COL6A6: variants seen among roughly 807,000 people sequenced by gnomAD.
COL6A6 encodes the protein collagen type VI alpha 6 chain.
Under a neutral mutation model 208.6 loss-of-function variants are expected in COL6A6, and 183 were observed. That is an observed-to-expected ratio of 0.88 (90% CI 0.78 to 0.99). The LOEUF is 0.99. COL6A6 is among the 50% of genes least tolerant of loss of function. The pLI, the probability that COL6A6 is intolerant of heterozygous loss-of-function variation, is 0.00. For missense variants in COL6A6, 2,816 were observed against 2,815.2 expected, an observed-to-expected ratio of 1.00 and a Z score of -0.01; for synonymous variants, 973 against 1,011.8, an observed-to-expected ratio of 0.96 and a Z score of 0.73.
chr3:130,592,729 T>A lies in COL6A6; in HGVS notation c.4371+7T>A, dbSNP rs778389821. On this transcript the variant is annotated splice_region_variant and intron_variant, in intron 15 of 36. Transcript: ENST00000358511. ...AGGACTAAATGGACAGGAGGTATGT[T>A]ACCAGGCACATCCATTTACCTACCC... 2 of 1,609,510 alleles carry A rather than the reference T, an allele frequency of 1.2e-6. No homozygotes were observed. Among genetic ancestry groups the A allele is most frequent in the South Asian group, 2.2e-5 (2 of 90,422 alleles).
At chr3:130,647,771 T>C (rs1346835868) in intron 32 of COL6A6, among the ~76,000 whole-genome samples, 2 of 152,254 alleles carry the variant, frequency 1.3e-5, no homozygotes, top group Non-Finnish European at 2.9e-5. Flanking sequence ...TTGCTGTGTT[T>C]ATTATCTCTG....
Position 130,675,335 on chromosome 3 carries a change from A to G in COL6A6, c.6730A>G (p.Ser2244Gly). The G allele has an allele frequency of 6.2e-7, 1 of 1,601,702 alleles. No individual in the cohort carries two copies. The highest frequency in any genetic ancestry group is 8.5e-7 in the Non-Finnish European group (1 of 1,173,422). The change falls in exon 37 of 37, where the codon AGC becomes GGC. Residue 2244 changes from serine (S) to glycine (G), a missense_variant. Ser to Gly is a moderately conservative substitution (Grantham distance 56, BLOSUM62 0). Coordinates refer to ENST00000358511, the MANE Select transcript of COL6A6 (RefSeq NM_001102608.3). ...TGATGCTATTCAAAATTTTATGAGA[A>G]GCACCTCCCATACCTTTAAGAATGG... ...RDDAIQNFMR[S>G]TSHTFKNGRM...
intron 1 of COL6A6, among the ~76,000 whole-genome samples, chr3:130,553,066 G>A (rs1399284914): frequency 1.3e-5 from 2 of 152,112 alleles, no homozygotes; most frequent in African/African-American, 2.4e-5. Context: ...TTCACTAGCT[G>A]CCTTTAACAT....
At chr3:130,627,888 A>G (rs2064939214) in intron 26 of COL6A6, among the ~76,000 whole-genome samples, 2 of 152,354 alleles carry the variant, frequency 1.3e-5, no homozygotes, top group South Asian at 2.1e-4. Context: ...ATTTCTGTAT[A>G]CTAGCAATCA....
intron 23 of COL6A6, among the ~76,000 whole-genome samples, chr3:130,617,616 A>G (rs894692425): frequency 6.6e-6 from 1 of 152,188 alleles, no homozygotes; most frequent in African/African-American, 2.4e-5. Context: ...TTGTTCTTGC[A>G]TTAGCTCACC....
chr3:130,665,515 C>A (rs1332591848), intron 36 of COL6A6, among the ~76,000 whole-genome samples: 3 of 152,166 alleles, frequency 2.0e-5, no homozygotes, highest in African/African-American at 7.2e-5. Context: ...TAATTAAAAA[C>A]CAACAATGTC....
At chr3:130,656,048 T>G (rs1227698557) in intron 33 of COL6A6, among the ~76,000 whole-genome samples, 1 of 152,204 alleles carries the variant, frequency 6.6e-6, no homozygotes, top group African/African-American at 2.4e-5. Flanking sequence ...CCTGGAAACT[T>G]GGAGATGCCA....
At chr3:130,539,208 T>C (rs2062296647) in intron 1 of COL6A6, among the ~76,000 whole-genome samples, 5 of 152,218 alleles carry the variant, frequency 3.3e-5, no homozygotes, top group African/African-American at 7.2e-5. Flanking sequence ...CTAGAAAATA[T>C]AGCCCCCTGC....
At chr3:130,584,691 T>A (rs2063497203) in intron 10 of COL6A6, among the ~76,000 whole-genome samples, 1 of 152,118 alleles carries the variant, frequency 6.6e-6, no homozygotes, top group Non-Finnish European at 1.5e-5. Flanking sequence ...CTCGGCTCAC[T>A]GCAAGCTCCG....
Position 130,649,546 on chromosome 3 carries a change from T to C in COL6A6, c.5717T>C (p.Val1906Ala). 6.3e-7 allele frequency: 1 copy of C among 1,592,222 alleles called. No individual in the cohort carries two copies. The change falls in exon 33 of 37, where the codon GTC becomes GCC. Residue 1906 changes from valine (V) to alanine (A), a missense_variant. Val to Ala is a moderately conservative substitution (Grantham distance 64). Transcript: ENST00000358511. ...ATCACTTTCAGCAACGTGCCCTCGG[T>C]CAGGCGCGCATTTGCGGTATGAGGA... ...VVITFSNVPS[V>A]RRAFAIDDTG...
intron 1 of COL6A6, among the ~76,000 whole-genome samples, chr3:130,552,874 G>A (rs1336155529): frequency 6.6e-6 from 1 of 152,110 alleles, no homozygotes; most frequent in African/African-American, 2.4e-5. Context: ...GCACTTGCTT[G>A]TCTGAAAGGG....
intron 7 of COL6A6, among the ~76,000 whole-genome samples, chr3:130,571,842 A>AT (rs67080729): frequency 0.88 from 97,466 of 110,828 alleles, 44,234 homozygotes; most frequent in Non-Finnish European, 0.96. Flanking sequence ...GGCATGGCTA[A>AT]TTTTTTTTTT....
At chr3:130,583,772 G>GT (rs150882523) in intron 10 of COL6A6, among the ~76,000 whole-genome samples, 3 of 152,130 alleles carry the variant, frequency 2.0e-5, no homozygotes, top group Admixed American at 6.5e-5. Flanking sequence ...TTTTGGTTTT[G>GT]TTTTTTTCTT....
rs1435947304 is a variant in COL6A6 at position 130,635,606 on chromosome 3, G to A, written c.5029-93G>A. The A allele has an allele frequency of 6.0e-6, 5 of 830,248 alleles. No homozygotes were observed. In the Admixed American group the frequency reaches 1.0e-4, roughly 17 times the overall value. 51.4% of individuals were successfully genotyped at this position (830,248 alleles called of 1,614,324 possible). A position where few individuals can be genotyped will look rare whatever the true frequency, so the allele number is the denominator to read the frequency against. On this transcript the variant is annotated intron_variant, in intron 27 of 36. Transcript: ENST00000358511. ...ACTGTTAAAAATGCATACGAAAAATGTCTTCATGTTAGAATCAGTTTAAAG... is the reference window on the plus strand; with the variant it reads ...ACTGTTAAAAATGCATACGAAAAATATCTTCATGTTAGAATCAGTTTAAAG...
At chr3:130,535,727 G>A (rs535238200) in intron 1 of COL6A6, among the ~76,000 whole-genome samples, 1 of 152,146 alleles carries the variant, frequency 6.6e-6, no homozygotes, top group East Asian at 1.9e-4. Context: ...CCTCAGTTTG[G>A]GACTCCTGTA....
intron 1 of COL6A6, among the ~76,000 whole-genome samples, chr3:130,518,698 G>T (rs12633870): frequency 0.045 from 6,863 of 152,200 alleles, 314 homozygotes; most frequent in East Asian, 0.11. Flanking sequence ...TAGAGACGGG[G>T]TTTCTCCATT....
intron 1 of COL6A6, among the ~76,000 whole-genome samples, chr3:130,547,493 C>T (rs915424822): frequency 6.6e-6 from 1 of 152,206 alleles, no homozygotes; most frequent in Non-Finnish European, 1.5e-5. Flanking sequence ...CCTTGGCCAG[C>T]CTAGAGAGGG....
rs750428224 is a variant in COL6A6, at chr3:130,581,920, C to G, written c.3891+16C>G. 71 of 1,597,514 alleles carry G rather than the reference C, an allele frequency of 4.4e-5. No individual in the cohort carries two copies. In the Middle Eastern group the frequency reaches 1.8e-3, roughly 41 times the overall value. ...TCGAGGAAAGGTAACATGGATTTAT[C>G]TTATTTGTTGGTCTATGATTGCAAT... On this transcript the variant is annotated intron_variant, in intron 9 of 36. Coordinates refer to ENST00000358511, the MANE Select transcript of COL6A6 (RefSeq NM_001102608.3).
At position 130,554,300 on chromosome 3, in the gene COL6A6, A is replaced by G. The variant is rs2062716299; in HGVS notation, c.-31-6034A>G. ...AGATGGAGTGGGGCTGCTGGCATTC[A>G]TGTGTGCTTTCACAGTGGCAATGGT... On this transcript the variant is annotated intron_variant, in intron 1 of 36. Coordinates refer to ENST00000358511, the MANE Select transcript of COL6A6 (RefSeq NM_001102608.3). Among the ~76,000 whole-genome samples, 4 of 152,296 alleles carry G rather than the reference A, an allele frequency of 2.6e-5. No homozygotes were observed. In the South Asian group the frequency reaches 8.3e-4, roughly 32 times the overall value.
Sources: gnomAD v4.1 joint callset for allele counts (sites outside exome capture counted in the v4.1 genomes callset) on GRCh38, gnomAD v4.1.1 for gene constraint, MANE v1.5 for transcripts, NCBI Gene and HGNC (gene_info 2026-07-23, HGNC 2026-07-21) for gene names.